The following TAB2 variants were observed in gnomAD, a reference collection of about 807,000 sequenced individuals.
TAB2 encodes TGF-beta activated kinase 1 (MAP3K7) binding protein 2.
Under a neutral mutation model 65.0 loss-of-function variants are expected in TAB2, and 3 were observed. The observed-to-expected ratio is 0.05, with a 90% CI of 0.02 to 0.12. TAB2 has a LOEUF of 0.12. TAB2 is among the 10% of genes least tolerant of loss of function. TAB2 has a pLI of 1.00. For synonymous variants in TAB2, 298 were observed against 285.1 expected, an observed-to-expected ratio of 1.05 and a Z score of -0.46; for missense variants, 623 against 840.3, an observed-to-expected ratio of 0.74 and a Z score of 3.20.
In TAB2 at chr6:149,407,498, A is replaced by G. The variant is rs193201308; in HGVS notation, c.1940-2079A>G. Among the ~76,000 whole-genome samples the G allele has an allele frequency of 3.3e-5, 5 of 152,330 alleles. No individual in the cohort carries two copies. In the East Asian group the frequency reaches 7.7e-4, roughly 23 times the overall value. On this transcript the variant is annotated intron_variant, in intron 6 of 6. Transcript: ENST00000637181. ...TGTTTGAAATTTTCTGTAATAAGAA[A>G]GGTCCAATAAAAACATCCATTACTT... is the stretch of plus-strand genomic sequence containing the variant.
At chr6:149,282,733 A>T (rs960255371) in intron 1 of TAB2, among the ~76,000 whole-genome samples, 1 of 152,214 alleles carries the variant, frequency 6.6e-6, no homozygotes, top group Non-Finnish European at 1.5e-5. Context: ...ACAAATATGA[A>T]TTCAACAGCA....
chr6:149,329,252 A>G (rs540554709), intron 1 of TAB2, among the ~76,000 whole-genome samples: 4 of 152,342 alleles, frequency 2.6e-5, no homozygotes, highest in Non-Finnish European at 5.9e-5. Context: ...AGGCAGGCAT[A>G]TAAGTATCTA....
chr6:149,403,673 A>T (rs923970943), intron 6 of TAB2, among the ~76,000 whole-genome samples: 1 of 152,012 alleles, frequency 6.6e-6, no homozygotes, highest in Non-Finnish European at 1.5e-5. Context: ...GAAGCGTGTC[A>T]CTGACATCTG....
intron 1 of TAB2, among the ~76,000 whole-genome samples, chr6:149,340,735 G>T (rs956762824): frequency 2.0e-5 from 3 of 152,114 alleles, no homozygotes; most frequent in African/African-American, 7.2e-5. Flanking sequence ...TCTGAGGAAT[G>T]CAGTAATTCA....
chr6:149,309,385 C>A lies in TAB2; in HGVS notation c.-120-68633C>A, dbSNP rs574446. 6.6e-5 allele frequency among the ~76,000 whole-genome samples: 10 copies of A among 150,688 alleles called. No homozygotes were observed. In the East Asian group the frequency reaches 1.9e-3, roughly 29 times the overall value. ...TATGTCATACCAATGCCTCCCCACC[C>A]CAACACCAATAATTCCTCTTTTTTT... On this transcript the variant is annotated intron_variant, in intron 1 of 1. Coordinates refer to the TAB2 transcript ENST00000606202.
chr6:149,248,592 C>G (rs906238530), intron 1 of TAB2, among the ~76,000 whole-genome samples: 10 of 152,226 alleles, frequency 6.6e-5, no homozygotes, highest in Admixed American at 5.2e-4. Context: ...CACTCTTTCT[C>G]CCAAGGTGGT....
rs1221112330 is a variant in TAB2 at position 149,369,957 on chromosome 6, A to G, written c.-41A>G. On this transcript the variant is annotated 5_prime_UTR_variant, in exon 2 of 7. Coordinates refer to ENST00000637181, the MANE Select transcript of TAB2 (RefSeq NM_001292034.3). ...AGTACTATTTCCACTAAGGCCTAGA[A>G]TTGCCTACTGTACAAATAGTCCTGA... is the stretch of plus-strand genomic sequence containing the variant. The G allele has an allele frequency of 2.6e-6, 4 of 1,543,234 alleles. No individual in the cohort carries two copies. Among genetic ancestry groups the G allele is most frequent in the Non-Finnish European group, 3.6e-6 (4 of 1,115,596 alleles).
intron 1 of TAB2, among the ~76,000 whole-genome samples, chr6:149,269,033 G>T (rs1053726498): frequency 6.6e-6 from 1 of 152,150 alleles, no homozygotes. Flanking sequence ...TATCCCCTCT[G>T]AATCTTAGGT....
At chr6:149,254,677 C>T (rs1777968909) in intron 1 of TAB2, among the ~76,000 whole-genome samples, 1 of 152,214 alleles carries the variant, frequency 6.6e-6, no homozygotes, top group Non-Finnish European at 1.5e-5. Flanking sequence ...CACTTTTCCC[C>T]ATGATATCTC....
intron 1 of TAB2, among the ~76,000 whole-genome samples, chr6:149,219,586 A>G (rs1373541695): frequency 6.6e-6 from 1 of 152,232 alleles, no homozygotes; most frequent in Non-Finnish European, 1.5e-5. Context: ...ATGACCAACT[A>G]AAGTCAGAGA....
intron 1 of TAB2, among the ~76,000 whole-genome samples, chr6:149,248,573 T>C (rs1460624083): frequency 6.6e-6 from 1 of 151,782 alleles, no homozygotes; most frequent in Non-Finnish European, 1.5e-5. Flanking sequence ...GTCTCCCCAC[T>C]GGCCAGCACA....
At chr6:149,317,205 G>A (rs917164600), upstream of TAB2, among the ~76,000 whole-genome samples, 10 of 152,094 alleles carry the variant, frequency 6.6e-5, no homozygotes, top group Admixed American at 3.9e-4. This position sits in a 1 kb window ranked among gnomAD's most constrained non-coding sequence, Gnocchi z 4.7. Flanking sequence ...CGTGGCGGGA[G>A]GTGGAACCCG....
intron 1 of TAB2, among the ~76,000 whole-genome samples, chr6:149,327,966 C>T (rs946056285): frequency 3.9e-5 from 6 of 152,076 alleles, no homozygotes; most frequent in African/African-American, 1.4e-4. Context: ...ATGAACATTG[C>T]CATACATTTA....
At chr6:149,349,904 C>T (rs1389036447) in intron 1 of TAB2, among the ~76,000 whole-genome samples, 2 of 151,964 alleles carry the variant, frequency 1.3e-5, no homozygotes, top group African/African-American at 4.8e-5. Flanking sequence ...AGTCTCTCTG[C>T]TTGGGAACTA....
At chr6:149,313,920 T>G (rs1779206676), upstream of TAB2, among the ~76,000 whole-genome samples, 1 of 152,200 alleles carries the variant, frequency 6.6e-6, no homozygotes, top group African/African-American at 2.4e-5. Flanking sequence ...CATTATGGCT[T>G]GGATGCTTGG....
chr6:149,374,423 A>G (rs543336947), intron 2 of TAB2, among the ~76,000 whole-genome samples: 2 of 152,170 alleles, frequency 1.3e-5, no homozygotes, highest in Admixed American at 1.3e-4. Flanking sequence ...GGGTCTCACT[A>G]TGTTGCCCAG....
chr6:149,318,816 A>G (rs1319537589), intron 1 of TAB2: 2 of 152,254 alleles, frequency 1.3e-5, no homozygotes, highest in African/African-American at 4.8e-5. Context: ...GCCATGTTTC[A>G]TTCCATATAT....
chr6:149,361,635 G>C (rs1016256500), intron 1 of TAB2, among the ~76,000 whole-genome samples: 13 of 152,146 alleles, frequency 8.5e-5, no homozygotes, highest in African/African-American at 2.4e-4. Flanking sequence ...TCTAGCAAGT[G>C]GTGAGTCCAC....
At chr6:149,303,877 G>T (rs1249671532) in intron 1 of TAB2, among the ~76,000 whole-genome samples, 1 of 152,210 alleles carries the variant, frequency 6.6e-6, no homozygotes, top group African/African-American at 2.4e-5. Flanking sequence ...GATCTAAATG[G>T]CAATGAGTGG....
Sources: allele counts gnomAD v4.1 joint callset (sites outside exome capture counted in the v4.1 genomes callset), GRCh38; gene constraint gnomAD v4.1.1; non-coding constraint Gnocchi (gnomAD v3.1); transcripts MANE v1.5; gene names NCBI Gene and HGNC (gene_info 2026-07-23, HGNC 2026-07-21).